COPG2: variants seen among roughly 807,000 people sequenced by gnomAD.
COPG2 encodes the protein coatomer subunit gamma-2.
A neutral mutation model predicts 46.3 loss-of-function variants in COPG2; 37 were observed. The observed-to-expected ratio is 0.80, with a 90% CI of 0.61 to 1.05. The LOEUF is 1.05. Among genes scored for constraint, COPG2 ranks in the 50% least tolerant of loss-of-function variants. The pLI, the probability that COPG2 is intolerant of heterozygous loss-of-function variation, is 0.00. For synonymous variants in COPG2, 159 were observed against 129.7 expected, an observed-to-expected ratio of 1.23 and a Z score of -1.53; for missense variants, 427 against 387.8, an observed-to-expected ratio of 1.10 and a Z score of -0.85.
intron 9 of COPG2, among the ~76,000 whole-genome samples, chr7:130,604,105 G>A (rs1210755623): frequency 6.6e-6 from 1 of 152,152 alleles, no homozygotes; most frequent in East Asian, 1.9e-4. Context: ...GGTGGAAGAG[G>A]AGGTCTTGAT....
chr7:130,535,613 T>A (rs1238695325), intron 20 of COPG2, among the ~76,000 whole-genome samples: 7 of 134,290 alleles, frequency 5.2e-5, no homozygotes, highest in African/African-American at 2.0e-4. Flanking sequence ...GGCTCTTTAC[T>A]ACGGATCCGG....
At chr7:130,665,482 A>C (rs1463765331) in intron 3 of COPG2, among the ~76,000 whole-genome samples, 1 of 152,196 alleles carries the variant, frequency 6.6e-6, no homozygotes, top group Non-Finnish European at 1.5e-5. Context: ...ATTCAAGGAA[A>C]AAAAAAACTA....
Position 130,611,096 on chromosome 7 carries a change from T to G in COPG2, c.594A>C (p.Gly198=). 1 of 1,613,470 alleles carries G rather than the reference T, an allele frequency of 6.2e-7. No homozygotes were observed. The highest frequency in any genetic ancestry group is 8.5e-7 in the Non-Finnish European group (1 of 1,179,688). The change falls in exon 9 of 24, where the codon GGA becomes GGC. Residue 198 remains glycine, a synonymous_variant. Coordinates refer to ENST00000425248, the MANE Select transcript of COPG2 (RefSeq NM_012133.6). ...CATTCTTTCTAAGGTGATACAGGAC[T>G]CCCAATGCATGGTACTAAAGAACAT... ...DNIMVQYHAL[G]VLYHLRKNDR...
At position 130,551,567 on chromosome 7, in the gene COPG2, A is replaced by T. The variant is rs1793535020; in HGVS notation, c.1545-223T>A. ...TGTGAATCACAAGCACTACATAAGT[A>T]GGCATTAAAATAACGAGGAGCACAA... On this transcript the variant is annotated intron_variant, in intron 15 of 23. Coordinates refer to ENST00000425248, the MANE Select transcript of COPG2 (RefSeq NM_012133.6). Among the ~76,000 whole-genome samples the T allele has an allele frequency of 2.0e-5, 3 of 152,330 alleles. No homozygotes were observed. In the South Asian group the frequency reaches 6.2e-4, roughly 32 times the overall value.
intron 9 of COPG2, among the ~76,000 whole-genome samples, chr7:130,583,820 A>AG (rs1554447601): frequency 4.1e-5 from 6 of 147,642 alleles, no homozygotes; most frequent in Non-Finnish European, 9.0e-5. Context: ...AAAAAAAAAA[A>AG]AAAAAAAAAA....
At chr7:130,509,817 G>A (rs1161794123) in intron 20 of COPG2, 1 of 507,530 alleles carries the variant, frequency 2.0e-6, no homozygotes, top group Admixed American at 2.0e-5. Flanking sequence ...TTTTAAGAGA[G>A]TGCCATGTGA....
chr7:130,532,537 G>A (rs1398929598), intron 20 of COPG2, among the ~76,000 whole-genome samples: 1 of 152,100 alleles, frequency 6.6e-6, no homozygotes, highest in African/African-American at 2.4e-5. Flanking sequence ...GAGTCAGGTT[G>A]AGACTGGGTG....
chr7:130,507,127 A>G (rs1799508794), intron 23 of COPG2, 147 bp downstream of exon 23: 2 of 663,092 alleles, frequency 3.0e-6, no homozygotes, highest in Non-Finnish European at 5.5e-6. Context: ...AATAGCATGC[A>G]AAACAAATTA....
At chr7:130,623,172 T>C (rs1795065554) in intron 5 of COPG2, among the ~76,000 whole-genome samples, 1 of 152,014 alleles carries the variant, frequency 6.6e-6, no homozygotes, top group Non-Finnish European at 1.5e-5. Flanking sequence ...CTAAAGATAA[T>C]CCTCAACCAA....
At chr7:130,653,927 A>G (rs782086110) in intron 4 of COPG2, among the ~76,000 whole-genome samples, 3 of 152,158 alleles carry the variant, frequency 2.0e-5, no homozygotes, top group Non-Finnish European at 4.4e-5. Context: ...AAAACAAAAA[A>G]TAAGAATCAA....
intron 3 of COPG2, among the ~76,000 whole-genome samples, chr7:130,666,350 G>C (rs544502615): frequency 2.0e-5 from 3 of 152,288 alleles, no homozygotes; most frequent in African/African-American, 7.2e-5. Context: ...GCTCTAACTA[G>C]TACTCATTAA....
chr7:130,582,426 C>T (rs1371354692), intron 9 of COPG2, among the ~76,000 whole-genome samples: 1 of 151,108 alleles, frequency 6.6e-6, no homozygotes, highest in Non-Finnish European at 1.5e-5. Flanking sequence ...CCATTCAGGA[C>T]ATAGGCATGG....
At chr7:130,635,981 C>T (rs957359125) in intron 5 of COPG2, among the ~76,000 whole-genome samples, 1 of 152,144 alleles carries the variant, frequency 6.6e-6, no homozygotes, top group African/African-American at 2.4e-5. Flanking sequence ...CATTCAGGGG[C>T]AGGTTGTTCA....
intron 20 of COPG2, among the ~76,000 whole-genome samples, chr7:130,532,464 G>A (rs1357391103): frequency 6.6e-6 from 1 of 152,136 alleles, no homozygotes; most frequent in East Asian, 1.9e-4. Context: ...GAGGCAGGAG[G>A]AGGGTGGGAC....
At chr7:130,618,100 C>CAAA (rs10695449) in intron 5 of COPG2, among the ~76,000 whole-genome samples, 4 of 64,602 alleles carry the variant, frequency 6.2e-5, no homozygotes, top group Admixed American at 2.2e-4. Flanking sequence ...GACCCTGTCT[C>CAAA]AAAAAAAAAA....
intron 21 of COPG2, 26 bp from the exon 22 acceptor site, chr7:130,507,849 AGAAAAGTCCTT>A (rs782664063): frequency 3.9e-6 from 3 of 777,980 alleles, no homozygotes; most frequent in Non-Finnish European, 7.2e-6. Flanking sequence ...CAGTCAGTAA[AGAAAAGTCCTT>A]TCTGTTATAG....
chr7:130,590,465 C>T (rs1554448640), intron 9 of COPG2, among the ~76,000 whole-genome samples: 1 of 152,188 alleles, frequency 6.6e-6, no homozygotes, highest in African/African-American at 2.4e-5. Flanking sequence ...GCTGTGTTGG[C>T]CGGGCTGGTC....
At chr7:130,586,271 A>G (rs1423341968) in intron 9 of COPG2, among the ~76,000 whole-genome samples, 2 of 151,968 alleles carry the variant, frequency 1.3e-5, no homozygotes, top group African/African-American at 4.8e-5. Flanking sequence ...AGCTATGAGG[A>G]CTCAAAGGCA....
intron 9 of COPG2, among the ~76,000 whole-genome samples, chr7:130,588,184 T>C (rs557308673): frequency 8.0e-4 from 122 of 151,856 alleles, no homozygotes; most frequent in African/African-American, 2.8e-3. Flanking sequence ...AGGAACACTT[T>C]TACACTGTTG....
Sources: gnomAD v4.1 joint callset for allele counts (sites outside exome capture counted in the v4.1 genomes callset) on GRCh38, gnomAD v4.1.1 for gene constraint, MANE v1.5 for transcripts, NCBI Gene and HGNC (gene_info 2026-07-23, HGNC 2026-07-21) for gene names.